The following POP1 variants were observed in gnomAD, a reference collection of about 807,000 sequenced individuals.
POP1 encodes the protein ribonucleases P/MRP protein subunit POP1.
A neutral mutation model predicts 102.2 loss-of-function variants in POP1; 75 were observed. That is an observed-to-expected ratio of 0.73 (90% CI 0.61 to 0.89). The LOEUF is 0.89. Among genes scored for constraint, POP1 ranks in the 40% least tolerant of loss-of-function variants. POP1 has a pLI of 0.00. For synonymous variants in POP1, 436 were observed against 464.1 expected, an observed-to-expected ratio of 0.94 and a Z score of 0.78; for missense variants, 1,116 against 1,267.4, an observed-to-expected ratio of 0.88 and a Z score of 1.81.
chr8:98,141,227 C>T (rs571860386), intron 11 of POP1, among the ~76,000 whole-genome samples: 6 of 152,066 alleles, frequency 3.9e-5, no homozygotes, highest in Non-Finnish European at 2.9e-5. Context: ...GATCTGCACC[C>T]GAAGCTGGTC....
chr8:98,119,621 C>G (rs990521910), intron 1 of POP1, among the ~76,000 whole-genome samples: 1 of 152,080 alleles, frequency 6.6e-6, no homozygotes, highest in African/African-American at 2.4e-5. Flanking sequence ...GTCACCCAGG[C>G]TGGAGTGCAG....
At chr8:98,144,017 A>G (rs926094399) in intron 11 of POP1, among the ~76,000 whole-genome samples, 7 of 151,642 alleles carry the variant, frequency 4.6e-5, no homozygotes, top group Non-Finnish European at 8.8e-5. Context: ...TTAGCTTGGC[A>G]TGGTGGTGGG....
At position 98,123,517 on chromosome 8, in the gene POP1, G is replaced by A. The variant is rs138050896; in HGVS notation, c.142+38G>A. The A allele has an allele frequency of 2.4e-3, 3,808 of 1,595,838 alleles. 98 individuals carry two copies. The African/African-American group carries it at 0.044, about 18-fold the overall frequency. ...TAAGAGACCAGGCATGGTGGCTCAC[G>A]CCTGTAATCCCAGCACTTTGGGAGG... is the stretch of plus-strand genomic sequence containing the variant. On this transcript the variant is annotated intron_variant, in intron 2 of 15. Coordinates refer to ENST00000401707, the MANE Select transcript of POP1 (RefSeq NM_001145860.2).
chr8:98,141,990 T>TAAGTTATATATATAGGTAAG (rs1816717831), intron 11 of POP1, among the ~76,000 whole-genome samples: 1 of 152,126 alleles, frequency 6.6e-6, no homozygotes, highest in African/African-American at 2.4e-5. Context: ...GGTAAGTTAG[T>TAAGTTATATATATAGGTAAG]TAATTATGAA....
Position 98,148,864 on chromosome 8 carries a change from T to A in POP1, c.1760T>A (p.Ile587Asn). 1 of 1,613,956 alleles carries A rather than the reference T, an allele frequency of 6.2e-7. No individual in the cohort carries two copies. The highest frequency in any genetic ancestry group is 1.3e-5 in the African/African-American group (1 of 75,048). The change falls in exon 13 of 16, where the codon ATT (isoleucine) becomes AAT (asparagine). Residue 587 changes from isoleucine to asparagine, a missense_variant. Coordinates refer to ENST00000401707, the MANE Select transcript of POP1 (RefSeq NM_001145860.2). ...SELLVPGSQL[I>N]LGPHESKIPI... ...TTGCTGGTGCCTGGGTCACAGCTTA[T>A]TTTAGGTCCCCATGAATCCAAGATA...
chr8:98,125,582 C>T (rs1206949080), intron 2 of POP1, among the ~76,000 whole-genome samples: 1 of 151,964 alleles, frequency 6.6e-6, no homozygotes, highest in Non-Finnish European at 1.5e-5. Flanking sequence ...GCTCTGTTGC[C>T]TGGGCTGGAG....
chr8:98,145,319 C>A (rs568558170), intron 11 of POP1, among the ~76,000 whole-genome samples: 1 of 152,326 alleles, frequency 6.6e-6, no homozygotes, highest in East Asian at 1.9e-4. Context: ...AGCCATCAGA[C>A]CCAGCAGGCA....
Position 98,157,694 on chromosome 8 carries a change from C to T in POP1, c.2498C>T (p.Pro833Leu). ...GATAGTCGGGGAGGCCGGCGAGCTC[C>T]CGGCAGAGGCCAGCAAGGATTGACC... The part of the protein sequence containing the change: ...SEDSRGGRRA[P>L]GRGQQGLTRE... The change falls in exon 16 of 16, where the codon CCC becomes CTC. Residue 833 changes from proline (P) to leucine (L), a missense_variant. By Grantham distance (98) the Pro-to-Leu change is moderately conservative. Transcript: ENST00000401707. 1 of 1,614,216 alleles carries T rather than the reference C, an allele frequency of 6.2e-7. No homozygotes were observed. The highest frequency in any genetic ancestry group is 8.5e-7 in the Non-Finnish European group (1 of 1,180,048).
chr8:98,157,630 C>A lies in POP1; in HGVS notation c.2434C>A (p.Leu812Met). 1 of 1,614,190 alleles carries A rather than the reference C, an allele frequency of 6.2e-7. No homozygotes were observed. The highest frequency in any genetic ancestry group is 8.5e-7 in the Non-Finnish European group (1 of 1,180,046). Reference protein sequence around the residue: ...HLCVLRSRKLLKQLSAWCGPS... With the variant: ...HLCVLRSRKLMKQLSAWCGPS... The stretch of plus-strand genomic sequence containing the variant: ...AACTTCATGTAGGAGTAGAAAATTA[C>A]TGAAGCAACTGTCAGCCTGGTGTGG... Residue 812 changes from leucine (L) to methionine (M), a missense_variant, in exon 16 of 16, where the codon CTG becomes ATG. Leu to Met is a conservative substitution (Grantham distance 15). Coordinates refer to ENST00000401707, the MANE Select transcript of POP1 (RefSeq NM_001145860.2).
chr8:98,148,180 G>T (rs17184837), intron 12 of POP1, among the ~76,000 whole-genome samples: 3,427 of 152,300 alleles, frequency 0.023, 69 homozygotes, highest in Middle Eastern at 0.068. Context: ...TGAAAAAGAA[G>T]AATCAGGATT....
At chr8:98,133,638 A>G (rs528924349) in intron 5 of POP1, among the ~76,000 whole-genome samples, 6 of 152,342 alleles carry the variant, frequency 3.9e-5, no homozygotes, top group Non-Finnish European at 8.8e-5. Context: ...GTCTATGAAT[A>G]TGGGATAAAA....
chr8:98,119,669 C>T (rs914135194), intron 1 of POP1, among the ~76,000 whole-genome samples: 1 of 152,010 alleles, frequency 6.6e-6, no homozygotes, highest in Non-Finnish European at 1.5e-5. Flanking sequence ...GCCTTGACCT[C>T]CCTGTCTCAA....
intron 5 of POP1, among the ~76,000 whole-genome samples, chr8:98,130,650 A>C (rs1816356725): frequency 6.6e-6 from 1 of 152,212 alleles, no homozygotes; most frequent in African/African-American, 2.4e-5. Flanking sequence ...CATCAGGGCA[A>C]GGTTAGCCTA....
chr8:98,151,412 A>G (rs192792414), intron 14 of POP1, among the ~76,000 whole-genome samples: 2 of 152,228 alleles, frequency 1.3e-5, no homozygotes, highest in Admixed American at 1.3e-4. Flanking sequence ...GTACCTATCC[A>G]TTTAGACTTT....
chr8:98,120,796 G>A (rs1401095151), intron 1 of POP1, among the ~76,000 whole-genome samples: 9 of 152,124 alleles, frequency 5.9e-5, no homozygotes, highest in Non-Finnish European at 1.3e-4. Context: ...ACAGGCGCCC[G>A]CCAACACGCC....
At chr8:98,123,241 A>G in intron 1 of POP1, 95 bp from the exon 2 acceptor site, 1 of 1,426,326 alleles carries the variant, frequency 7.0e-7, no homozygotes, top group East Asian at 2.5e-5. Context: ...CAATAGACTT[A>G]TTTTGAATCA....
At position 98,119,366 on chromosome 8, in the gene POP1, C is replaced by T. The variant is rs558575864; in HGVS notation, c.-3+1976C>T. 3.3e-5 allele frequency among the ~76,000 whole-genome samples: 5 copies of T among 152,324 alleles called. No individual in the cohort carries two copies. The South Asian group carries it at 1.0e-3, about 32-fold the overall frequency. ...AGATCTGGAAGAAAATAGACATCAT[C>T]TAGTTAGTTCCCAGGTTCTCAAACT... On this transcript the variant is annotated intron_variant, in intron 1 of 15. Coordinates refer to ENST00000401707, the MANE Select transcript of POP1 (RefSeq NM_001145860.2).
At chr8:98,120,881 T>C (rs952185096) in intron 1 of POP1, among the ~76,000 whole-genome samples, 1 of 152,078 alleles carries the variant, frequency 6.6e-6, no homozygotes, top group African/African-American at 2.4e-5. Context: ...CTCCTGACCT[T>C]GTGATCCTTC....
chr8:98,137,286 G>T (rs1172149629), intron 9 of POP1, among the ~76,000 whole-genome samples: 1 of 151,664 alleles, frequency 6.6e-6, no homozygotes, highest in Non-Finnish European at 1.5e-5. Context: ...ATGTGTGCGT[G>T]TGCCATGTAG....
Sources: gnomAD v4.1 joint callset for allele counts (sites outside exome capture counted in the v4.1 genomes callset) on GRCh38, gnomAD v4.1.1 for gene constraint, MANE v1.5 for transcripts, NCBI Gene and HGNC (gene_info 2026-07-23, HGNC 2026-07-21) for gene names.